The following PNPLA1 variants were observed in gnomAD, a reference collection of about 807,000 sequenced individuals.
The protein encoded by PNPLA1 is patatin like domain 1, omega-hydroxyceramide transacylase.
A neutral mutation model predicts 51.7 loss-of-function variants in PNPLA1; 36 were observed. The ratio of observed to expected loss-of-function variants is 0.70; its 90% CI spans 0.53 to 0.92. The LOEUF (loss-of-function observed/expected upper bound fraction) is 0.92. Among genes scored for constraint, PNPLA1 ranks in the 40% least tolerant of loss-of-function variants. The pLI, the probability that PNPLA1 is intolerant of heterozygous loss-of-function variation, is 0.00. For missense variants in PNPLA1, 658 were observed against 682.5 expected (o/e 0.96, Z 0.40); for synonymous variants, 293 against 280.1 (o/e 1.05, Z -0.46).
chr6:36,261,475 G>A (rs1769646569), intron 1 of PNPLA1, among the ~76,000 whole-genome samples: 1 of 152,206 alleles, frequency 6.6e-6, no homozygotes, highest in Non-Finnish European at 1.5e-5. Flanking sequence ...GTGTTGATGG[G>A]TTTACCTACG....
intron 1 of PNPLA1, among the ~76,000 whole-genome samples, chr6:36,259,885 A>G (rs1769610620): frequency 6.6e-6 from 1 of 152,184 alleles, no homozygotes. Flanking sequence ...TATGCTTAGT[A>G]CCTGGGTGAC....
In PNPLA1 at chr6:36,293,015, C is replaced by T. The variant is rs560072070; in HGVS notation, c.439-46C>T. ...GGGCTGACAGGTGAGCTGTCCCCACCCCACCCCCGGGCCTCCAGCATCTCA... is the reference window on the plus strand; with the variant it reads ...GGGCTGACAGGTGAGCTGTCCCCACTCCACCCCCGGGCCTCCAGCATCTCA... On this transcript the variant is annotated intron_variant, in intron 2 of 8. Coordinates refer to ENST00000636260, the MANE Select transcript of PNPLA1 (RefSeq NM_001374623.1). 3.7e-5 allele frequency: 57 copies of T among 1,551,100 alleles called. 1 individual carries two copies. The South Asian group carries it at 6.2e-4, about 17-fold the overall frequency.
In PNPLA1 at chr6:36,293,260, T is replaced by A. The variant is rs1770748048; in HGVS notation, c.504+134T>A. On this transcript the variant is annotated intron_variant, in intron 3 of 8. Coordinates refer to ENST00000636260, the MANE Select transcript of PNPLA1 (RefSeq NM_001374623.1). ...CCTAGAGTTGGAGAGTTTCTCATGT[T>A]GTTACTCAGAATTCCCAATGTAGGT... 4.4e-6 allele frequency: 4 copies of A among 900,416 alleles called. No individual in the cohort carries two copies. The South Asian group carries it at 6.4e-5, about 14-fold the overall frequency. The allele number at this position is 900,416 out of a possible 1,614,324, so 55.8% of individuals were successfully genotyped here.
At chr6:36,266,399 T>C (rs11753002), upstream of PNPLA1, among the ~76,000 whole-genome samples, 16,798 of 152,234 alleles carry the variant, frequency 0.11, 1,051 homozygotes, top group Middle Eastern at 0.2. Context: ...TGTAAAACAG[T>C]TGTCATAGAT....
intron 1 of PNPLA1, among the ~76,000 whole-genome samples, chr6:36,284,718 T>C: frequency 6.6e-6 from 1 of 152,222 alleles, no homozygotes; most frequent in East Asian, 1.9e-4. Context: ...CTTAGGAGTC[T>C]CAGGGCAGTG....
chr6:36,283,488 A>C (rs1006874879), intron 1 of PNPLA1, among the ~76,000 whole-genome samples: 6 of 152,136 alleles, frequency 3.9e-5, no homozygotes, highest in African/African-American at 1.4e-4. Flanking sequence ...GTCCTTACGA[A>C]ATCACCACGT....
intron 1 of PNPLA1, among the ~76,000 whole-genome samples, chr6:36,286,858 T>G (rs1174090255): frequency 6.6e-6 from 1 of 151,850 alleles, no homozygotes; most frequent in Admixed American, 6.6e-5. Context: ...TAAATTTTTT[T>G]TTTTTTTGTA....
chr6:36,251,366 A>G (rs1402045494), intron 1 of PNPLA1, among the ~76,000 whole-genome samples: 1 of 152,172 alleles, frequency 6.6e-6, no homozygotes, highest in Non-Finnish European at 1.5e-5. Flanking sequence ...ATAGATGCTT[A>G]ATAAATATGT....
chr6:36,302,551 C>T (rs1312870264), intron 6 of PNPLA1, 82 bp downstream of exon 6: 10 of 1,492,794 alleles, frequency 6.7e-6, no homozygotes, highest in Admixed American at 4.6e-5. Context: ...GGCTGATAAC[C>T]GCTTCTTTAG....
intron 1 of PNPLA1, among the ~76,000 whole-genome samples, chr6:36,255,915 G>T (rs1446672826): frequency 3.9e-5 from 6 of 152,186 alleles, no homozygotes. Context: ...CTTAGATTCA[G>T]TAGGTCTGGG....
intron 1 of PNPLA1, among the ~76,000 whole-genome samples, chr6:36,253,277 G>A (rs1453719624): frequency 1.3e-5 from 2 of 152,178 alleles, no homozygotes; most frequent in Non-Finnish European, 2.9e-5. Context: ...ACTCAACATA[G>A]CATTGGGTGG....
Position 36,313,082 on chromosome 6 carries a change from T to C in PNPLA1, c.*1196T>C, listed in dbSNP as rs1771440928. On this transcript the variant is annotated 3_prime_UTR_variant, in exon 9 of 9. Coordinates refer to ENST00000636260, the MANE Select transcript of PNPLA1 (RefSeq NM_001374623.1). Reference sequence around the variant, plus strand: ...TGAATTTGGTCAGGCAGCCCAGGCATTGAGATCTTTAGAGCTCCCCCGGGA... The same window carrying C: ...TGAATTTGGTCAGGCAGCCCAGGCACTGAGATCTTTAGAGCTCCCCCGGGA... Among the ~76,000 whole-genome samples the C allele has an allele frequency of 6.6e-6, 1 of 152,164 alleles. No homozygotes were observed. Among genetic ancestry groups the C allele is most frequent in the Admixed American group, 6.5e-5 (1 of 15,278 alleles).
At chr6:36,287,483 G>A (rs564230281) in intron 1 of PNPLA1, among the ~76,000 whole-genome samples, 3 of 152,280 alleles carry the variant, frequency 2.0e-5, no homozygotes, top group African/African-American at 2.4e-5. Context: ...TGGTTAGTGT[G>A]GGACTCTGTG....
intron 1 of PNPLA1, among the ~76,000 whole-genome samples, chr6:36,282,564 A>C (rs971449162): frequency 1.3e-5 from 2 of 152,262 alleles, no homozygotes; most frequent in East Asian, 3.8e-4. Flanking sequence ...AAAGCAACTC[A>C]TGTAGGTGAC....
chr6:36,255,880 T>C (rs909263617), intron 1 of PNPLA1, among the ~76,000 whole-genome samples: 5 of 152,218 alleles, frequency 3.3e-5, no homozygotes, highest in Admixed American at 1.3e-4. Flanking sequence ...TCTGAAACAC[T>C]GAGGGGTCTT....
chr6:36,256,562 C>T (rs1379541660), intron 1 of PNPLA1, among the ~76,000 whole-genome samples: 1 of 152,070 alleles, frequency 6.6e-6, no homozygotes, highest in Admixed American at 6.5e-5. Flanking sequence ...ATTCTTCTAC[C>T]TCAGCCTCCC....
rs184169014 is a variant in PNPLA1 at position 36,299,313 on chromosome 6, G to A, written c.776-2548G>A. Reference sequence around the variant, plus strand: ...GTTCCCATTCCTCCAAAACTTTTGGGGTTTTTTTTGTTTTTTTGTCTGTTT... The same window carrying A: ...GTTCCCATTCCTCCAAAACTTTTGGAGTTTTTTTTGTTTTTTTGTCTGTTT... On this transcript the variant is annotated intron_variant, in intron 5 of 8. Transcript: ENST00000636260. Among the ~76,000 whole-genome samples the A allele has an allele frequency of 4.7e-3, 673 of 141,890 alleles. 14 individuals are homozygous for A. The highest frequency in any genetic ancestry group is 0.017 in the African/African-American group (643 of 38,400). 93.1% of individuals were successfully genotyped at this position (141,890 alleles called of 152,430 possible).
At chr6:36,286,851 A>ATTT (rs745386551) in intron 1 of PNPLA1, among the ~76,000 whole-genome samples, 79 of 144,098 alleles carry the variant, frequency 5.5e-4, no homozygotes, top group African/African-American at 1.7e-3. Flanking sequence ...GCTAATTTAA[A>ATTT]TTTTTTTTTT....
rs115872840 is a variant in PNPLA1 at position 36,299,994 on chromosome 6, C to A, written c.776-1867C>A. ...CATTTGTTACAACTCATGAACCAAT[C>A]TTGACATATTATTAACTAAGAGCCA... On this transcript the variant is annotated intron_variant, in intron 5 of 8. Coordinates refer to ENST00000636260, the MANE Select transcript of PNPLA1 (RefSeq NM_001374623.1). 4.0e-3 allele frequency among the ~76,000 whole-genome samples: 607 copies of A among 152,242 alleles called. 6 individuals carry two copies. The highest frequency in any genetic ancestry group is 0.013 in the African/African-American group (558 of 41,544).
Sources: gnomAD v4.1 joint callset for allele counts (sites outside exome capture counted in the v4.1 genomes callset) on GRCh38, gnomAD v4.1.1 for gene constraint, MANE v1.5 for transcripts, NCBI Gene and HGNC (gene_info 2026-07-23, HGNC 2026-07-21) for gene names.